The following ROBO2 variants were observed in gnomAD, a reference collection of about 807,000 sequenced individuals.
ROBO2 encodes the protein roundabout guidance receptor 2, also known as roundabout homolog 2.
A neutral mutation model predicts 160.8 loss-of-function variants in ROBO2; 53 were observed. The observed-to-expected ratio is 0.33, with a 90% CI of 0.26 to 0.41. ROBO2 has a LOEUF of 0.41. Ranked by LOEUF, ROBO2 falls within the 10% of genes least tolerant of loss-of-function variation. ROBO2 has a pLI of 1.00. For synonymous variants in ROBO2, 664 were observed against 611.7 expected (o/e 1.09, Z -1.26); for missense variants, 1,577 against 1,722.4 (o/e 0.92, Z 1.49).
chr3:76,679,403 T>C (rs2106881788), intron 2 of ROBO2, among the ~76,000 whole-genome samples: 1 of 152,258 alleles, frequency 6.6e-6, no homozygotes, highest in African/African-American at 2.4e-5. Flanking sequence ...ATTTCTAATC[T>C]GAGTTACACT....
At chr3:77,563,247 A>T (rs377540058) in exon 11 of ROBO2, 1 of 1,613,544 alleles carries the variant, frequency 6.2e-7, no homozygotes, top group Non-Finnish European at 8.5e-7. Context: ...CACTGATGTT[A>T]CTAAGAACAG....
chr3:76,454,598 C>G (rs2077653532), intron 2 of ROBO2, among the ~76,000 whole-genome samples: 1 of 152,080 alleles, frequency 6.6e-6, no homozygotes, highest in Non-Finnish European at 1.5e-5. Flanking sequence ...TCCCTGAGTT[C>G]CAATTTCTTC....
At chr3:76,433,164 A>T (rs186175337) in intron 2 of ROBO2, among the ~76,000 whole-genome samples, 1 of 152,312 alleles carries the variant, frequency 6.6e-6, no homozygotes, top group East Asian at 1.9e-4. Context: ...GGACTACATT[A>T]AAAATCCTAT....
intron 2 of ROBO2, among the ~76,000 whole-genome samples, chr3:76,838,956 G>A (rs549175175): frequency 2.0e-5 from 3 of 152,186 alleles, no homozygotes; most frequent in Non-Finnish European, 4.4e-5. Flanking sequence ...GCTATTATCA[G>A]TTTATAAAAC....
chr3:76,913,913 C>T (rs1042871899), intron 2 of ROBO2, among the ~76,000 whole-genome samples: 1 of 151,734 alleles, frequency 6.6e-6, no homozygotes, highest in African/African-American at 2.4e-5. Context: ...GTGAAAAATA[C>T]TCCTTTAGAG....
chr3:76,858,253 A>G (rs759795455), intron 2 of ROBO2, among the ~76,000 whole-genome samples: 2 of 152,198 alleles, frequency 1.3e-5, no homozygotes. Context: ...CAGTGCCAAC[A>G]TAAAACAAAC....
chr3:75,983,828 T>C (rs1377966765), intron 2 of ROBO2, among the ~76,000 whole-genome samples: 1 of 151,452 alleles, frequency 6.6e-6, no homozygotes, highest in Non-Finnish European at 1.5e-5. Flanking sequence ...CTGAAAACTA[T>C]GAAAACTCAC....
exon 26 of ROBO2, chr3:77,648,726 T>C (rs2095429181): frequency 6.6e-6 from 1 of 152,202 alleles, no homozygotes; most frequent in South Asian, 2.1e-4. Context: ...AAAAAGCTAC[T>C]AATCAGTGTT....
intron 2 of ROBO2, among the ~76,000 whole-genome samples, chr3:76,737,588 C>T (rs2093734190): frequency 6.6e-6 from 1 of 152,138 alleles, no homozygotes; most frequent in South Asian, 2.1e-4. Context: ...ATCCAAGCTA[C>T]TCCAAGCTCT....
intron 24 of ROBO2, chr3:77,642,671 A>T (rs1377583123): frequency 4.4e-6 from 2 of 453,200 alleles, no homozygotes; most frequent in Non-Finnish European, 8.8e-6. Flanking sequence ...AAATTTTTAG[A>T]TCTTCCACCA....
intron 2 of ROBO2, among the ~76,000 whole-genome samples, chr3:76,748,523 C>T (rs1434242523): frequency 6.6e-6 from 1 of 150,668 alleles, no homozygotes; most frequent in Non-Finnish European, 1.5e-5. Context: ...AAGGATTGAT[C>T]AATAAAAATG....
chr3:76,051,563 A>G (rs908298537), intron 2 of ROBO2, among the ~76,000 whole-genome samples: 1 of 152,172 alleles, frequency 6.6e-6, no homozygotes, highest in Non-Finnish European at 1.5e-5. Context: ...GCAGATTAAT[A>G]TCACAGAAAG....
chr3:76,496,655 C>T (rs2080167929), intron 2 of ROBO2, among the ~76,000 whole-genome samples: 1 of 152,150 alleles, frequency 6.6e-6, no homozygotes, highest in African/African-American at 2.4e-5. Context: ...GAGTCCTTCC[C>T]CAGTTTCTGT....
At chr3:76,757,358 G>A (rs1012808192) in intron 2 of ROBO2, among the ~76,000 whole-genome samples, 8 of 151,776 alleles carry the variant, frequency 5.3e-5, no homozygotes, top group African/African-American at 9.7e-5. Flanking sequence ...AGAGAGGAAC[G>A]CCTTAGCTGG....
intron 6 of ROBO2, among the ~76,000 whole-genome samples, chr3:77,534,060 G>C (rs1239714132): frequency 6.6e-6 from 1 of 152,112 alleles, no homozygotes; most frequent in Non-Finnish European, 1.5e-5. Context: ...TTGTGCAACT[G>C]GTATTGATAA....
intron 2 of ROBO2, among the ~76,000 whole-genome samples, chr3:77,384,939 G>A (rs2073943178): frequency 1.3e-5 from 2 of 152,144 alleles, no homozygotes; most frequent in South Asian, 2.1e-4. Flanking sequence ...CTTCCTCGGA[G>A]GCAGTGCAAT....
At chr3:76,285,681 T>C (rs1434791382) in intron 2 of ROBO2, among the ~76,000 whole-genome samples, 1 of 152,144 alleles carries the variant, frequency 6.6e-6, no homozygotes, top group East Asian at 1.9e-4. Context: ...TGTAATATTA[T>C]ATAAGAAAAT....
intron 1 of ROBO2, among the ~76,000 whole-genome samples, chr3:77,044,574 G>A (rs904167988): frequency 9.3e-5 from 14 of 151,348 alleles, no homozygotes; most frequent in African/African-American, 3.4e-4. Context: ...CTAATGAAAG[G>A]AATTAGAGAA....
chr3:76,310,113 C>G (rs1358044208), intron 2 of ROBO2, among the ~76,000 whole-genome samples: 2 of 152,056 alleles, frequency 1.3e-5, no homozygotes, highest in African/African-American at 4.8e-5. Context: ...TGAGCCACCA[C>G]GTCAGACAAT....
Sources: gnomAD v4.1 joint callset for allele counts (sites outside exome capture counted in the v4.1 genomes callset) on GRCh38, gnomAD v4.1.1 for gene constraint, MANE v1.5 for transcripts, NCBI Gene and HGNC (gene_info 2026-07-23, HGNC 2026-07-21) for gene names.